Variants in HS6ST2 observed in about 807,000 individuals in gnomAD.
HS6ST2 encodes the protein heparan-sulfate 6-O-sulfotransferase 2.
In HS6ST2, 17 loss-of-function variants were observed where a neutral mutation model predicts 33.0. The observed-to-expected ratio is 0.52, with a 90% CI of 0.35 to 0.77. The LOEUF (loss-of-function observed/expected upper bound fraction) is 0.77. HS6ST2 is among the 30% of genes least tolerant of loss of function. The pLI, the probability that HS6ST2 is intolerant of heterozygous loss-of-function variation, is 0.01. For missense variants in HS6ST2, 519 were observed against 551.7 expected (o/e 0.94, Z 0.59); for synonymous variants, 248 against 237.1 (o/e 1.05, Z -0.42).
intron 2 of HS6ST2, among the ~76,000 whole-genome samples, chrX:132,778,276 T>G (rs1157847594): frequency 8.9e-6 from 1 of 112,829 alleles, no homozygotes; most frequent in Admixed American, 9.4e-5. Flanking sequence ...GATACAATGA[T>G]GTATGTATTC....
At chrX:132,668,813 C>T (rs1019240216) in intron 4 of HS6ST2, among the ~76,000 whole-genome samples, 6 of 111,278 alleles carry the variant, frequency 5.4e-5, no homozygotes, top group Non-Finnish European at 1.1e-4. Context: ...TGTAATCCAA[C>T]TCTTACATTG....
At chrX:132,816,501 T>C (rs2065395924) in intron 2 of HS6ST2, among the ~76,000 whole-genome samples, 1 of 111,521 alleles carries the variant, frequency 9.0e-6, no homozygotes, top group South Asian at 3.7e-4. Flanking sequence ...TTGAACCAAA[T>C]GGGTAGGGAA....
chrX:132,941,360 C>T (rs1259893380), intron 2 of HS6ST2, among the ~76,000 whole-genome samples: 1 of 111,710 alleles, frequency 9.0e-6, no homozygotes, highest in African/African-American at 3.3e-5. Context: ...AAGCACACCC[C>T]TTCCCATAAA....
chrX:132,905,413 G>A (rs887528043), intron 2 of HS6ST2, among the ~76,000 whole-genome samples: 7 of 112,096 alleles, frequency 6.2e-5, no homozygotes, highest in Admixed American at 9.5e-5. Context: ...TTGTGCATAT[G>A]ATAAGGTAGT....
intron 2 of HS6ST2, among the ~76,000 whole-genome samples, chrX:132,917,528 AACCGGAAGTT>A (rs1312821703): frequency 3.4e-4 from 37 of 110,296 alleles, no homozygotes; most frequent in Admixed American, 6.7e-4. Context: ...TGAACCCGGG[AACCGGAAGTT>A]GCAGTGAGCA....
rs1425420882 is a variant in HS6ST2, at chrX:132,628,308, G to A, written c.1853C>T (p.Pro618Leu). ...SLSQKENRES[P>L]KQNSGKEQND... ...CTGCTCCTTGCCTGAGTTCTGCTTC[G>A]GGCTTTCCCGGTTCTCCTTCTGGCT... The change falls in exon 5 of 5, where the codon CCG becomes CTG. Residue 618 changes from proline (P) to leucine (L), a missense_variant. Transcript: ENST00000370833. 20 of 1,165,349 alleles carry A rather than the reference G, an allele frequency of 1.7e-5. No homozygotes were observed. Among genetic ancestry groups the A allele is most frequent in the East Asian group, 3.3e-5 (1 of 30,701 alleles).
chrX:132,875,657 T>G (rs1195708301), intron 2 of HS6ST2, among the ~76,000 whole-genome samples: 2 of 112,269 alleles, frequency 1.8e-5, no homozygotes, highest in African/African-American at 6.5e-5. Flanking sequence ...GGAGCCTCGA[T>G]GAATGGCAGG....
chrX:132,860,114 GA>G (rs939947662), intron 2 of HS6ST2, among the ~76,000 whole-genome samples: 3 of 111,624 alleles, frequency 2.7e-5, no homozygotes, highest in African/African-American at 9.8e-5. Flanking sequence ...ATGTGTGGGG[GA>G]CACGGTGGGT....
At chrX:132,645,927 A>G (rs962820276) in intron 4 of HS6ST2, among the ~76,000 whole-genome samples, 1 of 111,989 alleles carries the variant, frequency 8.9e-6, no homozygotes, top group Non-Finnish European at 1.9e-5. Flanking sequence ...AGAGCCTTAC[A>G]CCATGACTGA....
chrX:132,796,344 C>T (rs1469318644), intron 2 of HS6ST2, among the ~76,000 whole-genome samples: 1 of 111,862 alleles, frequency 8.9e-6, no homozygotes, highest in African/African-American at 3.3e-5. Context: ...ACCTGGATAC[C>T]ATTTTCCTCT....
At chrX:132,733,318 T>C (rs754013166) in intron 2 of HS6ST2, among the ~76,000 whole-genome samples, 7 of 110,222 alleles carry the variant, frequency 6.4e-5, no homozygotes, top group East Asian at 2.8e-4. Context: ...CCAAGATATA[T>C]TGTTAAGTGA....
At chrX:132,960,107 C>T (rs2067132850), upstream of HS6ST2, among the ~76,000 whole-genome samples, 1 of 112,149 alleles carries the variant, frequency 8.9e-6, no homozygotes, top group Admixed American at 9.4e-5. Flanking sequence ...CTCTGAAAAC[C>T]CAATGAACTT....
chrX:132,909,068 T>C (rs2066506156), intron 2 of HS6ST2, among the ~76,000 whole-genome samples: 1 of 109,183 alleles, frequency 9.2e-6, no homozygotes, highest in Admixed American at 9.8e-5. Context: ...GGCCTGCAGT[T>C]TGCTGGACTT....
intron 2 of HS6ST2, among the ~76,000 whole-genome samples, chrX:132,955,007 G>A (rs950709503): frequency 8.9e-6 from 1 of 111,862 alleles, no homozygotes; most frequent in African/African-American, 3.3e-5. Flanking sequence ...AAAGGCACAT[G>A]TGCCCCATGG....
intron 2 of HS6ST2, among the ~76,000 whole-genome samples, chrX:132,917,038 C>G (rs749988335): frequency 3.6e-5 from 4 of 111,868 alleles, no homozygotes; most frequent in Non-Finnish European, 7.5e-5. Context: ...TGCATACATT[C>G]TTTTAATATT....
chrX:132,806,961 T>C (rs2065289452), intron 2 of HS6ST2, among the ~76,000 whole-genome samples: 1 of 110,369 alleles, frequency 9.1e-6, no homozygotes, highest in Non-Finnish European at 1.9e-5. Flanking sequence ...ACCTATGTGA[T>C]TGGGACTATT....
chrX:132,936,534 G>C (rs756932679), intron 2 of HS6ST2, among the ~76,000 whole-genome samples: 3 of 112,075 alleles, frequency 2.7e-5, no homozygotes, highest in Non-Finnish European at 5.6e-5. Context: ...GAAAACTATA[G>C]ACCAATGTCT....
At chrX:132,755,834 AT>A (rs2064752865) in intron 2 of HS6ST2, among the ~76,000 whole-genome samples, 1 of 112,205 alleles carries the variant, frequency 8.9e-6, no homozygotes, top group South Asian at 3.7e-4. Context: ...CTTTTAAAAA[AT>A]CATATCATTA....
intron 2 of HS6ST2, among the ~76,000 whole-genome samples, chrX:132,869,374 C>A (rs1159804196): frequency 1.8e-5 from 2 of 111,861 alleles, no homozygotes; most frequent in Non-Finnish European, 3.8e-5. Context: ...TGAAACTATT[C>A]CAATCAATAG....
Sources: gnomAD v4.1 joint callset for allele counts (sites outside exome capture counted in the v4.1 genomes callset) on GRCh38, gnomAD v4.1.1 for gene constraint, MANE v1.5 for transcripts, NCBI Gene and HGNC (gene_info 2026-07-23, HGNC 2026-07-21) for gene names.